The following TENM3 variants were observed in gnomAD, a reference collection of about 807,000 sequenced individuals.
TENM3 encodes teneurin transmembrane protein 3.
Under a neutral mutation model 255.1 loss-of-function variants are expected in TENM3, and 63 were observed. The observed-to-expected ratio is 0.25, with a 90% CI of 0.20 to 0.30. TENM3 has a LOEUF of 0.30. Ranked by LOEUF, TENM3 falls within the 10% of genes least tolerant of loss-of-function variation. The pLI is 1.00. For synonymous variants in TENM3, 1,306 were observed against 1,322.3 expected, an observed-to-expected ratio of 0.99 and a Z score of 0.27; for missense variants, 2,929 against 3,461.1, an observed-to-expected ratio of 0.85 and a Z score of 3.86.
intron 3 of TENM3, among the ~76,000 whole-genome samples, chr4:182,367,278 C>T (rs150914817): frequency 2.0e-5 from 3 of 152,054 alleles, no homozygotes; most frequent in South Asian, 4.2e-4. Flanking sequence ...GGAGGCCACC[C>T]GATCTGGAGA....
At chr4:182,082,345 C>T in the TENM3 span, among the ~76,000 whole-genome samples, 1 of 152,146 alleles carries the variant, frequency 6.6e-6, no homozygotes, top group Non-Finnish European at 1.5e-5. Flanking sequence ...TAATCACCCC[C>T]GCCAAAGGCC....
At chr4:182,637,977 G>T (rs893239265) in intron 5 of TENM3, among the ~76,000 whole-genome samples, 4 of 151,832 alleles carry the variant, frequency 2.6e-5, no homozygotes, top group South Asian at 2.1e-4. Context: ...AACTGTCAGG[G>T]TATTAAAACT....
chr4:181,771,301 A>G, the TENM3 span, among the ~76,000 whole-genome samples: 27 of 152,362 alleles, frequency 1.8e-4, no homozygotes, highest in African/African-American at 5.8e-4. Context: ...AATGGAGGGT[A>G]TAAGGACAGC....
intron 3 of TENM3, among the ~76,000 whole-genome samples, chr4:182,373,206 T>A (rs1168635438): frequency 1.3e-5 from 2 of 152,206 alleles, no homozygotes; most frequent in African/African-American, 4.8e-5. Flanking sequence ...CTTTGCAAAA[T>A]TAAGACAGAA....
At chr4:181,855,793 C>T in the TENM3 span, among the ~76,000 whole-genome samples, 21,979 of 145,896 alleles carry the variant, frequency 0.15, 2,088 homozygotes, top group Admixed American at 0.26. Context: ...AGAAAGAAAA[C>T]AGAAAATGAG....
intron 13 of TENM3, 71 bp from the exon 14 acceptor site, chr4:182,728,894 G>A: frequency 1.7e-6 from 2 of 1,206,992 alleles, no homozygotes; most frequent in Non-Finnish European, 2.3e-6. Context: ...AAACAGTCAA[G>A]AAACAAAACT....
chr4:181,908,177 G>T, the TENM3 span, among the ~76,000 whole-genome samples: 5 of 152,068 alleles, frequency 3.3e-5, no homozygotes, highest in Admixed American at 6.5e-5. Flanking sequence ...TTCTTAGGTT[G>T]TTAGTTCCAT....
the TENM3 span, among the ~76,000 whole-genome samples, chr4:181,737,730 A>G: frequency 6.6e-6 from 1 of 152,096 alleles, no homozygotes. Flanking sequence ...ATGACGCTGT[A>G]TATATTAATA....
At position 182,161,373 on chromosome 4, in the gene TENM3, G is replaced by A. The variant is rs1169337805; in HGVS notation, c.-76+16619G>A. ...GAAGCTTGCAGTGAGCCGAGATCGC[G>A]CCACTGCACTCCAGCCTGGGCGACA... On this transcript the variant is annotated intron_variant, in intron 1 of 2. Transcript: ENST00000512480. 1.0e-4 allele frequency among the ~76,000 whole-genome samples: 12 copies of A among 118,760 alleles called. 3 individuals carry two copies. Among genetic ancestry groups the A allele is most frequent in the South Asian group, 6.2e-4 (2 of 3,234 alleles). The allele number at this position is 118,760 out of a possible 152,430, so 77.9% of individuals were successfully genotyped here.
At chr4:182,596,987 G>A (rs1747306724) in intron 3 of TENM3, among the ~76,000 whole-genome samples, 1 of 152,198 alleles carries the variant, frequency 6.6e-6, no homozygotes, top group South Asian at 2.1e-4. Context: ...GATCTGCCCA[G>A]CTGTGTTAGA....
the TENM3 span, among the ~76,000 whole-genome samples, chr4:181,986,527 G>T: frequency 3.9e-5 from 6 of 152,126 alleles, no homozygotes; most frequent in South Asian, 1.2e-3. Context: ...TCTGGTGGGG[G>T]TTTGCCCTTG....
chr4:181,751,803 G>A, the TENM3 span, among the ~76,000 whole-genome samples: 1 of 152,088 alleles, frequency 6.6e-6, no homozygotes, highest in Admixed American at 6.6e-5. Flanking sequence ...GTTTGTGTTG[G>A]GGTGGGAGTT....
chr4:182,456,095 G>A (rs1773856465), intron 3 of TENM3, among the ~76,000 whole-genome samples: 1 of 152,212 alleles, frequency 6.6e-6, no homozygotes, highest in Non-Finnish European at 1.5e-5. Flanking sequence ...CTTATTGGAT[G>A]AGTACACTAA....
rs188432734 is a variant in TENM3, at chr4:182,590,598, G to A, written c.512-10326G>A. 1.3e-3 allele frequency among the ~76,000 whole-genome samples: 192 copies of A among 145,106 alleles called. 1 individual carries two copies. The highest frequency in any genetic ancestry group is 4.3e-3 in the African/African-American group (169 of 39,724). On this transcript the variant is annotated intron_variant, in intron 3 of 27. Transcript: ENST00000511685. ...AGGTGGGCCAAGTGCAATGGCTCAC[G>A]CCTATAATCCCAACACTTTGGGGGG... is the stretch of plus-strand genomic sequence containing the variant.
chr4:181,605,922 A>G, the TENM3 span, among the ~76,000 whole-genome samples: 2 of 152,130 alleles, frequency 1.3e-5, no homozygotes, highest in African/African-American at 4.8e-5. Flanking sequence ...CATGGGATTC[A>G]TTTATAGGTT....
At chr4:182,588,403 T>C (rs1746257260) in intron 3 of TENM3, among the ~76,000 whole-genome samples, 1 of 152,224 alleles carries the variant, frequency 6.6e-6, no homozygotes, top group African/African-American at 2.4e-5. Flanking sequence ...TAAGTCACAA[T>C]AATGTAGCTT....
intron 6 of TENM3, among the ~76,000 whole-genome samples, chr4:182,668,521 A>G (rs898301667): frequency 1.3e-5 from 2 of 152,166 alleles, no homozygotes; most frequent in Non-Finnish European, 2.9e-5. Flanking sequence ...ACGGGAGGAA[A>G]AAAATCATCA....
chr4:182,469,352 A>G (rs2151440434), intron 3 of TENM3, among the ~76,000 whole-genome samples: 1 of 152,306 alleles, frequency 6.6e-6, no homozygotes, highest in East Asian at 1.9e-4. Flanking sequence ...AAAGTTCAGA[A>G]GAGTTATTTG....
At chr4:182,077,173 T>C in the TENM3 span, among the ~76,000 whole-genome samples, 32,064 of 152,124 alleles carry the variant, frequency 0.21, 3,658 homozygotes, top group Non-Finnish European at 0.25. Context: ...GGTTGATCTA[T>C]ATCATTTCCA....
Sources: allele counts gnomAD v4.1 joint callset (sites outside exome capture counted in the v4.1 genomes callset), GRCh38; gene constraint gnomAD v4.1.1; transcripts MANE v1.5; gene names NCBI Gene and HGNC (gene_info 2026-07-23, HGNC 2026-07-21).